Variants in FHOD3 observed in about 807,000 individuals in gnomAD.
The protein encoded by FHOD3 is FH1/FH2 domain-containing protein 3.
FHOD3 carries 90 observed loss-of-function variants against 173.0 expected under a neutral mutation model. That is an observed-to-expected ratio of 0.52 (90% confidence interval 0.44 to 0.62). The LOEUF is 0.62. Among genes scored for constraint, FHOD3 ranks in the 20% least tolerant of loss-of-function variants. The probability of loss-of-function intolerance (pLI) is 0.00; values close to 1 mark genes in which losing one functional copy is unlikely to be tolerated. For missense variants in FHOD3, 1,945 were observed against 2,034.7 expected, an observed-to-expected ratio of 0.96 and a Z score of 0.85; for synonymous variants, 828 against 823.0, an observed-to-expected ratio of 1.01 and a Z score of -0.10.
chr18:36,757,574 A>G (rs2042684871), intron 25 of FHOD3, among the ~76,000 whole-genome samples: 1 of 152,206 alleles, frequency 6.6e-6, no homozygotes, highest in Non-Finnish European at 1.5e-5. Context: ...GATTTTAGAG[A>G]AAACTGTTTG....
chr18:36,482,648 G>C (rs1417275477), intron 3 of FHOD3, among the ~76,000 whole-genome samples: 1 of 152,160 alleles, frequency 6.6e-6, no homozygotes, highest in Non-Finnish European at 1.5e-5. Flanking sequence ...CCAAAGCAGA[G>C]TCACCAGGAC....
intron 3 of FHOD3, among the ~76,000 whole-genome samples, chr18:36,378,277 C>T (rs2047546498): frequency 6.6e-6 from 1 of 152,088 alleles, no homozygotes; most frequent in South Asian, 2.1e-4. Flanking sequence ...AATAAAAAAC[C>T]TCCTCTCCTT....
At chr18:36,361,712 G>T (rs956864571) in intron 2 of FHOD3, among the ~76,000 whole-genome samples, 40 of 149,074 alleles carry the variant, frequency 2.7e-4, no homozygotes, top group African/African-American at 7.1e-4. Context: ...GAAAAAAAAA[G>T]AAAAATGCTG....
At chr18:36,389,068 C>T (rs542849381) in intron 3 of FHOD3, among the ~76,000 whole-genome samples, 22 of 152,140 alleles carry the variant, frequency 1.4e-4, no homozygotes, top group African/African-American at 5.3e-4. Flanking sequence ...ACGACGGGTT[C>T]GTGTTTTCTG....
At chr18:36,519,009 A>G (rs4799422) in intron 5 of FHOD3, among the ~76,000 whole-genome samples, 64,013 of 152,002 alleles carry the variant, frequency 0.42, 14,135 homozygotes, top group Non-Finnish European at 0.49. Context: ...GGGAGGCCAA[A>G]TCACCCTGTT....
intron 15 of FHOD3, among the ~76,000 whole-genome samples, chr18:36,685,278 G>A (rs1600233144): frequency 6.6e-6 from 1 of 152,094 alleles, no homozygotes; most frequent in African/African-American, 2.4e-5. Context: ...TGGCAAAATG[G>A]CCCTCCTCCA....
intron 20 of FHOD3, among the ~76,000 whole-genome samples, chr18:36,731,680 A>G (rs879567): frequency 0.4 from 60,524 of 152,074 alleles, 12,580 homozygotes; most frequent in African/African-American, 0.53. Flanking sequence ...GACAGAACCA[A>G]TGATGCCTGA....
chr18:36,600,572 T>C (rs1197274341), intron 7 of FHOD3, among the ~76,000 whole-genome samples: 1 of 152,132 alleles, frequency 6.6e-6, no homozygotes, highest in Admixed American at 6.5e-5. Flanking sequence ...TTAAAATCCT[T>C]AGATGGTAAT....
rs191509502 is a variant in FHOD3 at position 36,487,045 on chromosome 18, T to C, written c.338-14887T>C. 3.5e-3 allele frequency among the ~76,000 whole-genome samples: 535 copies of C among 152,364 alleles called. 1 individual carries two copies. The highest frequency in any genetic ancestry group is 5.9e-3 in the Non-Finnish European group (402 of 68,032). ...CACAGTTTATCTGTTTGCCAACTGA[T>C]GGACAGTTGAGTTGTTTCCAGTAGG... On this transcript the variant is annotated intron_variant, in intron 3 of 28. Coordinates refer to ENST00000590592, the MANE Select transcript of FHOD3 (RefSeq NM_001281740.3).
chr18:36,777,059 G>A (rs1234467367), intron 28 of FHOD3, among the ~76,000 whole-genome samples: 1 of 152,096 alleles, frequency 6.6e-6, no homozygotes, highest in Non-Finnish European at 1.5e-5. Flanking sequence ...AATATCTGTG[G>A]GGTCTTCTGT....
intron 6 of FHOD3, among the ~76,000 whole-genome samples, chr18:36,577,816 C>T (rs369669798): frequency 1.4e-4 from 21 of 152,164 alleles, no homozygotes; most frequent in Admixed American, 6.5e-4. Flanking sequence ...AGATCTATTC[C>T]GTCACTTCAG....
chr18:36,766,721 C>T (rs552201337), intron 27 of FHOD3, among the ~76,000 whole-genome samples: 1 of 152,322 alleles, frequency 6.6e-6, no homozygotes, highest in Admixed American at 6.5e-5. Context: ...AAGATGTTTC[C>T]TTTAAGCATC....
chr18:36,635,518 G>C (rs974933243), intron 10 of FHOD3, among the ~76,000 whole-genome samples: 5 of 152,172 alleles, frequency 3.3e-5, no homozygotes, highest in African/African-American at 1.2e-4. Flanking sequence ...GGAGTGGAGG[G>C]GGCCTGACTG....
chr18:36,515,412 G>C (rs144946122), intron 5 of FHOD3, among the ~76,000 whole-genome samples: 1,540 of 152,146 alleles, frequency 0.01, 19 homozygotes, highest in African/African-American at 0.035. Context: ...TAGAGATGGG[G>C]TTTCACCATG....
chr18:36,753,865 A>G (rs141590067), intron 24 of FHOD3, among the ~76,000 whole-genome samples: 1 of 152,302 alleles, frequency 6.6e-6, no homozygotes, highest in African/African-American at 2.4e-5. Flanking sequence ...AGAAATGTCT[A>G]TTCAAATCCT....
At chr18:36,670,122 T>G (rs1476092220) in intron 14 of FHOD3, among the ~76,000 whole-genome samples, 1 of 152,098 alleles carries the variant, frequency 6.6e-6, no homozygotes, top group Non-Finnish European at 1.5e-5. Context: ...TTTATACCTC[T>G]GCATGTAACA....
At chr18:36,545,638 A>G (rs994937758) in intron 5 of FHOD3, among the ~76,000 whole-genome samples, 4 of 152,160 alleles carry the variant, frequency 2.6e-5, no homozygotes, top group Non-Finnish European at 2.9e-5. Flanking sequence ...GGGAAAGTGC[A>G]TTTTCCTCAG....
At chr18:36,469,700 C>T (rs2053164331) in intron 3 of FHOD3, among the ~76,000 whole-genome samples, 1 of 152,116 alleles carries the variant, frequency 6.6e-6, no homozygotes, top group Non-Finnish European at 1.5e-5. Flanking sequence ...GCCTCATCAC[C>T]TTTGGTTGGA....
chr18:36,634,877 G>A (rs990766744), intron 10 of FHOD3, among the ~76,000 whole-genome samples: 3 of 152,158 alleles, frequency 2.0e-5, no homozygotes, highest in Non-Finnish European at 4.4e-5. Context: ...AATATTTTGT[G>A]CACCCGCATA....
Sources: allele counts gnomAD v4.1 joint callset (sites outside exome capture counted in the v4.1 genomes callset), GRCh38; gene constraint gnomAD v4.1.1; transcripts MANE v1.5; gene names NCBI Gene and HGNC (gene_info 2026-07-23, HGNC 2026-07-21).